CSGALNACT1: variants seen among roughly 807,000 people sequenced by gnomAD.
CSGALNACT1 encodes chondroitin sulfate N-acetylgalactosaminyltransferase 1, also known as beta4GalNAcT-1.
A neutral mutation model predicts 51.0 loss-of-function variants in CSGALNACT1; 52 were observed. The ratio of observed to expected loss-of-function variants is 1.02; its 90% confidence interval spans 0.82 to 1.29. The LOEUF is 1.29. Among genes scored for constraint, CSGALNACT1 ranks in the 50% most tolerant of loss-of-function variants. CSGALNACT1 has a pLI of 0.00. For missense variants in CSGALNACT1, 935 were observed against 679.2 expected (o/e 1.38, Z -4.19); for synonymous variants, 341 against 254.4 (o/e 1.34, Z -3.24).
At chr8:19,667,020 G>A (rs865956864) in intron 1 of CSGALNACT1, among the ~76,000 whole-genome samples, 1,031 of 26,472 alleles carry the variant, frequency 0.039, 32 homozygotes, top group African/African-American at 0.081. Context: ...AGAAAGAAAG[G>A]AAGGAAGGAA....
rs368842341 is a variant in CSGALNACT1, at chr8:19,559,130, G to T, written c.-297+32030C>A. Among the ~76,000 whole-genome samples, 19 of 152,210 alleles carry T rather than the reference G, an allele frequency of 1.2e-4. 1 individual carries two copies. The highest frequency in any genetic ancestry group is 4.3e-4 in the African/African-American group (18 of 41,558). ...ATGCTCTATTTTAACAACAAAGATG[G>T]TATCTGAAATGGAAATTACAAACTA... On this transcript the variant is annotated intron_variant, in intron 3 of 9. Coordinates refer to ENST00000454498, the Ensembl canonical transcript of CSGALNACT1.
intron 3 of CSGALNACT1, among the ~76,000 whole-genome samples, chr8:19,589,319 G>A (rs1457593758): frequency 6.6e-6 from 1 of 152,026 alleles, no homozygotes; most frequent in African/African-American, 2.4e-5. Flanking sequence ...GTTCCTTTTA[G>A]GAAGGTTTTT....
chr8:19,624,670 C>G (rs1196721956), intron 1 of CSGALNACT1, among the ~76,000 whole-genome samples: 1 of 150,792 alleles, frequency 6.6e-6, no homozygotes, highest in East Asian at 1.9e-4. Context: ...CTTTTACCAT[C>G]TTCTTGTTTT....
chr8:19,746,875 G>C (rs2154251918), intron 1 of CSGALNACT1, among the ~76,000 whole-genome samples: 1 of 152,290 alleles, frequency 6.6e-6, no homozygotes, highest in Non-Finnish European at 1.5e-5. Context: ...CTACACGATG[G>C]AGAGCAAGGG....
At chr8:19,645,706 G>A (rs2057210652) in intron 1 of CSGALNACT1, among the ~76,000 whole-genome samples, 1 of 152,218 alleles carries the variant, frequency 6.6e-6, no homozygotes, top group African/African-American at 2.4e-5. Context: ...TGCCTGACTT[G>A]CAAGCACAGG....
intron 1 of CSGALNACT1, among the ~76,000 whole-genome samples, chr8:19,707,039 G>A (rs746669459): frequency 2.6e-5 from 4 of 152,014 alleles, no homozygotes; most frequent in African/African-American, 4.8e-5. Flanking sequence ...GAGAGAGGCC[G>A]GGAAGCTCTT....
At chr8:19,606,999 C>CA (rs1168742508), upstream of CSGALNACT1, among the ~76,000 whole-genome samples, 2 of 151,776 alleles carry the variant, frequency 1.3e-5, no homozygotes, top group Non-Finnish European at 2.9e-5. Flanking sequence ...ACTAAAAATA[C>CA]AAAAAATTAG....
At chr8:19,464,957 A>T (rs1161983371) in intron 4 of CSGALNACT1, among the ~76,000 whole-genome samples, 1 of 152,174 alleles carries the variant, frequency 6.6e-6, no homozygotes, top group Non-Finnish European at 1.5e-5. Context: ...TAAACATAGA[A>T]ATACCATATG....
intron 8 of CSGALNACT1, among the ~76,000 whole-genome samples, chr8:19,415,307 T>C (rs780453182): frequency 6.6e-6 from 1 of 152,194 alleles, no homozygotes; most frequent in Non-Finnish European, 1.5e-5. Flanking sequence ...GTTTGTCCAG[T>C]AAAAAACATA....
intron 1 of CSGALNACT1, among the ~76,000 whole-genome samples, chr8:19,702,710 C>T (rs927285992): frequency 6.6e-6 from 1 of 152,092 alleles, no homozygotes; most frequent in Non-Finnish European, 1.5e-5. Context: ...CCCATCTTCT[C>T]CCATCCATCA....
intron 1 of CSGALNACT1, among the ~76,000 whole-genome samples, chr8:19,702,307 T>C (rs954645471): frequency 1.3e-5 from 2 of 152,032 alleles, no homozygotes; most frequent in Non-Finnish European, 2.9e-5. Context: ...GAAGGATTCC[T>C]TCTGAGACCA....
chr8:19,407,191 T>G (rs2054389434), intron 9 of CSGALNACT1, among the ~76,000 whole-genome samples: 1 of 152,076 alleles, frequency 6.6e-6, no homozygotes, highest in Non-Finnish European at 1.5e-5. Flanking sequence ...TTCAACATTT[T>G]TTTTTTAAAT....
upstream of CSGALNACT1, among the ~76,000 whole-genome samples, chr8:19,683,961 T>C (rs1237431770): frequency 2.0e-5 from 3 of 151,096 alleles, no homozygotes; most frequent in South Asian, 6.3e-4. Context: ...AGGTCAGGAG[T>C]TCAAAACCAA....
chr8:19,414,165 C>T (rs143935218), intron 8 of CSGALNACT1, among the ~76,000 whole-genome samples: 4 of 152,306 alleles, frequency 2.6e-5, no homozygotes, highest in Non-Finnish European at 5.9e-5. Flanking sequence ...CTCCTGCACC[C>T]CCTCTTCAGA....
rs7816540 is a variant in CSGALNACT1, at chr8:19,470,822, G to A, written c.635-12180C>T. On this transcript the variant is annotated intron_variant, in intron 4 of 9. Transcript: ENST00000454498. ...GTTAAGAGACAAAAATGCGCTGGACGTGGTGGTTCACGCCTATAATCCCAA... is the reference window on the plus strand; with the variant it reads ...GTTAAGAGACAAAAATGCGCTGGACATGGTGGTTCACGCCTATAATCCCAA... Among the ~76,000 whole-genome samples, 631 of 152,274 alleles carry A rather than the reference G, an allele frequency of 4.1e-3. 1 individual carries two copies. The highest frequency in any genetic ancestry group is 0.014 in the African/African-American group (584 of 41,534).
At chr8:19,672,338 T>C (rs1268774359) in intron 1 of CSGALNACT1, among the ~76,000 whole-genome samples, 1 of 152,188 alleles carries the variant, frequency 6.6e-6, no homozygotes, top group African/African-American at 2.4e-5. Flanking sequence ...ATTAGATTAA[T>C]AAATGAACAA....
chr8:19,444,264 T>C (rs116496374), intron 5 of CSGALNACT1, among the ~76,000 whole-genome samples: 1,821 of 152,306 alleles, frequency 0.012, 28 homozygotes, highest in African/African-American at 0.042. Context: ...GCAATGTAAA[T>C]GCTATGTAAA....
chr8:19,438,653 C>A (rs2060790371), intron 6 of CSGALNACT1, among the ~76,000 whole-genome samples: 1 of 152,156 alleles, frequency 6.6e-6, no homozygotes, highest in African/African-American at 2.4e-5. Context: ...GGTGACTACT[C>A]AGCTGCACAG....
At chr8:19,429,510 T>A (rs1466629400) in intron 6 of CSGALNACT1, among the ~76,000 whole-genome samples, 1 of 152,218 alleles carries the variant, frequency 6.6e-6, no homozygotes, top group Non-Finnish European at 1.5e-5. Flanking sequence ...CTACTTTCAT[T>A]TATCACAATG....
Sources: allele counts gnomAD v4.1 joint callset (sites outside exome capture counted in the v4.1 genomes callset), GRCh38; gene constraint gnomAD v4.1.1; transcripts MANE v1.5; gene names NCBI Gene and HGNC (gene_info 2026-07-23, HGNC 2026-07-21).